TUSC3: variants seen among roughly 807,000 people sequenced by gnomAD.
TUSC3 encodes the protein dolichyl-diphosphooligosaccharide--protein glycosyltransferase subunit TUSC3.
Under a neutral mutation model 44.8 loss-of-function variants are expected in TUSC3, and 45 were observed. The ratio of observed to expected loss-of-function variants is 1.00; its 90% CI spans 0.79 to 1.29. The LOEUF is 1.29. TUSC3 is among the 50% of genes most tolerant of loss of function. The probability of loss-of-function intolerance (pLI) is 0.00; values close to 1 mark genes in which losing one functional copy is unlikely to be tolerated. For missense variants in TUSC3, 519 were observed against 437.9 expected (o/e 1.19, Z -1.65); for synonymous variants, 212 against 152.9 (o/e 1.39, Z -2.85).
chr8:15,423,825 A>G (rs1799768074), intron 1 of TUSC3, among the ~76,000 whole-genome samples: 1 of 152,064 alleles, frequency 6.6e-6, no homozygotes, highest in South Asian at 2.1e-4. Context: ...TGGAGCCCTC[A>G]TAATACAGGA....
rs6984086 is a variant in TUSC3 at position 15,737,869 on chromosome 8, T to C, written c.863-5669T>C. Among the ~76,000 whole-genome samples the C allele has an allele frequency of 2.6e-3, 399 of 152,270 alleles. 1 individual carries two copies. The highest frequency in any genetic ancestry group is 8.5e-3 in the African/African-American group (353 of 41,554). ...TTCTTCCTGCATATAAAAATTAAGA[T>C]TTTTATGTTACAAATGTAATTTTCC... On this transcript the variant is annotated intron_variant, in intron 7 of 10. Coordinates refer to ENST00000503731, the MANE Select transcript of TUSC3 (RefSeq NM_006765.4).
intron 2 of TUSC3, among the ~76,000 whole-genome samples, chr8:15,514,902 T>C (rs1208483350): frequency 6.6e-6 from 1 of 152,152 alleles, no homozygotes; most frequent in African/African-American, 2.4e-5. Context: ...CAAACTATAT[T>C]TTATAGTTGT....
At chr8:15,561,530 A>C (rs1171065626) in intron 1 of TUSC3, 1 of 150,098 alleles carries the variant, frequency 6.7e-6, no homozygotes, top group Non-Finnish European at 1.5e-5. Context: ...GGTGGGCTCC[A>C]CCCAGTTCGA....
intron 2 of TUSC3, among the ~76,000 whole-genome samples, chr8:15,640,525 G>T (rs934167856): frequency 1.3e-5 from 2 of 152,152 alleles, no homozygotes; most frequent in Non-Finnish European, 1.5e-5. Context: ...TTGGCAAGAA[G>T]TTATATATTT....
intron 1 of TUSC3, among the ~76,000 whole-genome samples, chr8:15,541,778 A>G (rs1054782165): frequency 6.7e-6 from 1 of 149,404 alleles, no homozygotes; most frequent in Non-Finnish European, 1.5e-5. Context: ...TTTGTATACC[A>G]TATTCCAAGA....
chr8:15,649,416 C>T (rs1806784556), intron 2 of TUSC3, among the ~76,000 whole-genome samples: 1 of 151,966 alleles, frequency 6.6e-6, no homozygotes, highest in Non-Finnish European at 1.5e-5. Context: ...AACCCCGTCT[C>T]TACTAAAAAT....
chr8:15,485,401 A>G (rs1055532060), intron 2 of TUSC3, among the ~76,000 whole-genome samples: 1 of 150,520 alleles, frequency 6.6e-6, no homozygotes, highest in Non-Finnish European at 1.5e-5. Flanking sequence ...AAAATATGAC[A>G]TGGGTTTTGT....
Position 15,574,237 on chromosome 8 carries a change from G to T in TUSC3, c.138+33669G>T, listed in dbSNP as rs898824260. 2.0e-5 allele frequency among the ~76,000 whole-genome samples: 3 copies of T among 151,886 alleles called. No homozygotes were observed. In the East Asian group the frequency reaches 5.8e-4, roughly 29 times the overall value. On this transcript the variant is annotated intron_variant, in intron 1 of 10. Coordinates refer to ENST00000503731, the MANE Select transcript of TUSC3 (RefSeq NM_006765.4). ...TCCTTACTCCCACCCTTCCTCTTGC[G>T]TTTCTCCTTCTCTCTCTTTGTCTTA... is the stretch of plus-strand genomic sequence containing the variant.
intron 6 of TUSC3, among the ~76,000 whole-genome samples, chr8:15,705,047 G>A (rs952998286): frequency 9.3e-5 from 14 of 150,246 alleles, no homozygotes; most frequent in African/African-American, 3.2e-4. Context: ...TTTTATTAGG[G>A]TATTATTATT....
chr8:15,613,340 C>A (rs1474182339), intron 1 of TUSC3, among the ~76,000 whole-genome samples: 1 of 151,958 alleles, frequency 6.6e-6, no homozygotes, highest in Non-Finnish European at 1.5e-5. Flanking sequence ...ATTCCCACTG[C>A]AGATAATTCT....
chr8:15,748,974 T>C (rs148158444), intron 9 of TUSC3: 13 of 345,642 alleles, frequency 3.8e-5, no homozygotes, highest in Non-Finnish European at 6.1e-5. Flanking sequence ...CCAACAAATA[T>C]ATTGAAAATT....
At chr8:15,582,412 AT>A (rs1156839884) in intron 1 of TUSC3, among the ~76,000 whole-genome samples, 1 of 152,182 alleles carries the variant, frequency 6.6e-6, no homozygotes, top group Non-Finnish European at 1.5e-5. Flanking sequence ...TTTTACTGTT[AT>A]TGGAAATGGA....
intron 6 of TUSC3, among the ~76,000 whole-genome samples, chr8:15,692,362 C>G (rs1454688139): frequency 9.3e-6 from 1 of 108,042 alleles, no homozygotes; most frequent in Non-Finnish European, 1.8e-5. Flanking sequence ...AGGAGACCCC[C>G]CCCCCCCCCT....
intron 1 of TUSC3, among the ~76,000 whole-genome samples, chr8:15,546,397 G>A (rs1158850192): frequency 2.0e-5 from 3 of 151,716 alleles, no homozygotes; most frequent in African/African-American, 7.3e-5. Flanking sequence ...CAGGGATGCT[G>A]GCTTCACATA....
intron 2 of TUSC3, among the ~76,000 whole-genome samples, chr8:15,498,726 G>A (rs1319991975): frequency 6.6e-6 from 1 of 152,142 alleles, no homozygotes; most frequent in Non-Finnish European, 1.5e-5. Flanking sequence ...ATGCATTCCA[G>A]TTTTGTTTGT....
Position 15,764,592 on chromosome 8 carries a change from A to G in TUSC3, c.*436A>G, listed in dbSNP as rs1047933606. The G allele has an allele frequency of 1.5e-5, 3 of 201,524 alleles. No homozygotes were observed. Among genetic ancestry groups the G allele is most frequent in the African/African-American group, 7.1e-5 (3 of 42,440 alleles). The allele number at this position is 201,524 out of a possible 1,614,324, so 12.5% of individuals were successfully genotyped here. On this transcript the variant is annotated 3_prime_UTR_variant, in exon 11 of 11. Transcript: ENST00000503731. ...TCTTAGTATTGTACAGGGATAAAGC[A>G]AATGCATGAAAATATGTCATGTACT...
chr8:15,793,592 C>T, the TUSC3 span, among the ~76,000 whole-genome samples: 1 of 152,146 alleles, frequency 6.6e-6, no homozygotes, highest in East Asian at 1.9e-4. Context: ...TTTTTCTGTA[C>T]AGCATTTGCC....
chr8:15,504,494 C>T (rs1011167570), intron 2 of TUSC3, among the ~76,000 whole-genome samples: 2 of 147,474 alleles, frequency 1.4e-5, no homozygotes, highest in Admixed American at 1.4e-4. Flanking sequence ...CTACTACTGC[C>T]ATATTAGTTA....
intron 6 of TUSC3, among the ~76,000 whole-genome samples, chr8:15,710,159 C>T (rs1809784422): frequency 6.6e-6 from 1 of 151,742 alleles, no homozygotes; most frequent in Admixed American, 6.6e-5. Flanking sequence ...TAGGTTTTGT[C>T]TGGAGGCTAG....
Sources: gnomAD v4.1 joint callset for allele counts (sites outside exome capture counted in the v4.1 genomes callset) on GRCh38, gnomAD v4.1.1 for gene constraint, MANE v1.5 for transcripts, NCBI Gene and HGNC (gene_info 2026-07-23, HGNC 2026-07-21) for gene names.